The following NBPF26 variants were observed in gnomAD, a reference collection of about 807,000 sequenced individuals.
The protein encoded by NBPF26 is NBPF family member NBPF26.
NBPF26 carries 79 observed loss-of-function variants against 119.6 expected under a neutral mutation model. That is an observed-to-expected ratio of 0.66 (90% CI 0.55 to 0.80). NBPF26 has a LOEUF of 0.80. Ranked by LOEUF, NBPF26 falls within the 30% of genes least tolerant of loss-of-function variation. The probability of loss-of-function intolerance (pLI) is 0.00; values close to 1 mark genes in which losing one functional copy is unlikely to be tolerated. For missense variants in NBPF26, 800 were observed against 1,198.2 expected, an observed-to-expected ratio of 0.67 and a Z score of 4.91; for synonymous variants, 299 against 457.7, an observed-to-expected ratio of 0.65 and a Z score of 4.43.
Position 120,751,576 on chromosome 1 carries a change from A to G in NBPF26, c.74-12052A>G, listed in dbSNP as rs1651021530. On this transcript the variant is annotated intron_variant, in intron 1 of 29. Transcript: ENST00000620612. Reference sequence around the variant, plus strand: ...CAACAAAGCAGATGAAATGGAAGGTAGGCCAGGGCATCTGCTCGTTCGCTC... The same window carrying G: ...CAACAAAGCAGATGAAATGGAAGGTGGGCCAGGGCATCTGCTCGTTCGCTC... Among the ~76,000 whole-genome samples the G allele has an allele frequency of 7.9e-5, 4 of 50,522 alleles. 2 individuals carry two copies. Among genetic ancestry groups the G allele is most frequent in the African/African-American group, 2.5e-4 (4 of 15,748 alleles). 33.1% of individuals were successfully genotyped at this position (50,522 alleles called of 152,430 possible).
In NBPF26 at chr1:120,754,750, G is replaced by T. The variant is rs1426465069; in HGVS notation, c.74-8878G>T. On this transcript the variant is annotated intron_variant, in intron 1 of 29. Coordinates refer to ENST00000620612, the Ensembl canonical transcript of NBPF26. ...TTATAGGAGGCTAAGAGTGGAGAGT[G>T]TATCTTCCTTCAAACAAATGGTAAG... 3.5e-5 allele frequency among the ~76,000 whole-genome samples: 4 copies of T among 115,820 alleles called. 1 individual carries two copies. The highest frequency in any genetic ancestry group is 8.2e-5 in the Admixed American group (1 of 12,138). The allele number at this position is 115,820 out of a possible 152,430, so 76.0% of individuals were successfully genotyped here. A position where few individuals can be genotyped will look rare whatever the true frequency, so the allele number is the denominator to read the frequency against.
In NBPF26 at chr1:120,762,475, A is replaced by G. The variant is rs1651145064; in HGVS notation, c.74-1153A>G. Reference sequence around the variant, plus strand: ...GATGGCCAGGCCTAGCGTCTCTCTGATCTTGCACAATTTATGCATAGAGTG... The same window carrying G: ...GATGGCCAGGCCTAGCGTCTCTCTGGTCTTGCACAATTTATGCATAGAGTG... On this transcript the variant is annotated intron_variant, in intron 1 of 29. Coordinates refer to ENST00000620612, the Ensembl canonical transcript of NBPF26. 1.8e-5 allele frequency among the ~76,000 whole-genome samples: 2 copies of G among 109,248 alleles called. 1 individual carries two copies. The highest frequency in any genetic ancestry group is 3.5e-5 in the Non-Finnish European group (2 of 56,538). 71.7% of individuals were successfully genotyped at this position (109,248 alleles called of 152,430 possible). A position where few individuals can be genotyped will look rare whatever the true frequency, so the allele number is the denominator to read the frequency against.
intron 4 of NBPF26, among the ~76,000 whole-genome samples, chr1:120,803,910 GT>G (rs1171021924): frequency 1.9e-5 from 1 of 53,852 alleles, no homozygotes; most frequent in African/African-American, 1.5e-4. Flanking sequence ...ATGACACTTT[GT>G]GAACCTGCAG....
intron 4 of NBPF26, 100 bp downstream of exon 4, chr1:120,793,596 A>T: frequency 2.2e-6 from 2 of 907,356 alleles, no homozygotes; most frequent in Non-Finnish European, 3.3e-6. Flanking sequence ...GCAAGGAAAA[A>T]GGGAAGTGAG....
intron 3 of NBPF26, among the ~76,000 whole-genome samples, chr1:120,788,087 C>A (rs1202911591): frequency 3.2e-5 from 2 of 62,754 alleles, no homozygotes; most frequent in Non-Finnish European, 5.4e-5. Flanking sequence ...ATTTGTAGTC[C>A]CGCCTGGATT....
chr1:120,767,887 A>C (rs1299333118), intron 2 of NBPF26, among the ~76,000 whole-genome samples: 3 of 115,324 alleles, frequency 2.6e-5, no homozygotes, highest in Admixed American at 1.7e-4. Context: ...TATTGTAGTT[A>C]TTTAAAATCT....
At chr1:120,838,614 T>G (rs2101555312) in intron 27 of NBPF26, 131 bp from the exon 34 acceptor site, 1 of 88,804 alleles carries the variant, frequency 1.1e-5, no homozygotes, top group South Asian at 1.4e-4. Flanking sequence ...AGGCAATAAT[T>G]TGTTACCTCA....
At position 120,763,659 on chromosome 1, in the gene NBPF26, T is replaced by A. The variant is rs1479654135; in HGVS notation, c.105T>A (p.Cys35Ter). 149 of 1,414,012 alleles carry A rather than the reference T, an allele frequency of 1.1e-4. 28 individuals carry two copies. The highest frequency in any genetic ancestry group is 1.4e-4 in the Non-Finnish European group (144 of 1,055,704). 87.6% of individuals were successfully genotyped at this position (1,414,012 alleles called of 1,614,324 possible). Residue 35 changes from cysteine (C) to a stop codon, truncating the protein, a stop_gained, in exon 2 of 30, where the codon TGT becomes TGA. Transcript: ENST00000620612. LOFTEE classifies it high-confidence loss of function. ...AGTGTCGAGATGGCTATGAACCCTGTGTAAATAAAGGAATGTGTGTTACCT... is the reference window on the plus strand; with the variant it reads ...AGTGTCGAGATGGCTATGAACCCTGAGTAAATAAAGGAATGTGTGTTACCT...
chr1:120,730,665 C>G (rs1357149056), intron 1 of NBPF26, among the ~76,000 whole-genome samples: 1 of 105,556 alleles, frequency 9.5e-6, no homozygotes, highest in Non-Finnish European at 1.7e-5. Flanking sequence ...AGAGTAAAGC[C>G]AAGAAAGGGG....
chr1:120,838,530 G>C (rs1652449665), intron 27 of NBPF26, among the ~76,000 whole-genome samples: 1 of 83,778 alleles, frequency 1.2e-5, no homozygotes, highest in African/African-American at 5.4e-5. Context: ...GTGTGTGTGT[G>C]TGTGTGTGTG....
chr1:120,791,397 C>T lies in NBPF26; in HGVS notation c.416-1764C>T, dbSNP rs1236831649. ...CAATAGCAAAGAGTTGGAACCAGCC[C>T]AAATGTCCATCAATGATAGACTGGA... is the stretch of plus-strand genomic sequence containing the variant. On this transcript the variant is annotated intron_variant, in intron 3 of 29. Transcript: ENST00000620612. 1.8e-5 allele frequency among the ~76,000 whole-genome samples: 2 copies of T among 108,272 alleles called. 1 individual carries two copies. Among genetic ancestry groups the T allele is most frequent in the Non-Finnish European group, 3.4e-5 (2 of 58,316 alleles). 71.0% of individuals were successfully genotyped at this position (108,272 alleles called of 152,430 possible).
chr1:120,813,592 C>T (rs1242681227), intron 10 of NBPF26, among the ~76,000 whole-genome samples: 2 of 127,726 alleles, frequency 1.6e-5, no homozygotes, highest in African/African-American at 3.6e-5. Context: ...GGAAAGTGGC[C>T]CCGCATTCAG....
chr1:120,823,812 G>A lies in NBPF26; in HGVS notation c.2640-162G>A, dbSNP rs1329202486. Among the ~76,000 whole-genome samples, 2 of 104,756 alleles carry A rather than the reference G, an allele frequency of 1.9e-5. 1 individual carries two copies. The highest frequency in any genetic ancestry group is 3.6e-5 in the Non-Finnish European group (2 of 55,104). The allele number at this position is 104,756 out of a possible 152,430, so 68.7% of individuals were successfully genotyped here. The stretch of plus-strand genomic sequence containing the variant: ...TGTGTCTTTCATCTTTTTCTACCTG[G>A]CCCTGTTCTATCCCAACATAAAGGC... On this transcript the variant is annotated intron_variant, in intron 17 of 29. Transcript: ENST00000620612.
intron 2 of NBPF26, among the ~76,000 whole-genome samples, chr1:120,769,258 G>A (rs1651232878): frequency 1.3e-5 from 2 of 151,720 alleles, no homozygotes; most frequent in African/African-American, 2.4e-5. Flanking sequence ...TGGTTCTGTT[G>A]TGGTGCTTCT....
chr1:120,805,626 G>A (rs1651663173), exon 5 of NBPF26: 2 of 1,462,956 alleles, frequency 1.4e-6, no homozygotes, highest in Admixed American at 3.6e-5. Context: ...CCAGTGAGAA[G>A]GCAGAGATGA....
At chr1:120,785,124 G>T in exon 3 of NBPF26, 1 of 1,446,510 alleles carries the variant, frequency 6.9e-7, no homozygotes, top group East Asian at 2.3e-5. Flanking sequence ...AGGACTGCCA[G>T]TACTCGACAC....
At chr1:120,807,465 T>C in intron 5 of NBPF26, 142 bp from the exon 6 acceptor site, 2 of 474,498 alleles carry the variant, frequency 4.2e-6, no homozygotes, top group Non-Finnish European at 7.3e-6. Context: ...GACTGAAGAG[T>C]AAAGATGTGG....
chr1:120,833,267 T>A (rs1652398387), intron 23 of NBPF26, among the ~76,000 whole-genome samples: 1 of 102,358 alleles, frequency 9.8e-6, no homozygotes, highest in Non-Finnish European at 1.8e-5. Flanking sequence ...GCTCACTCTT[T>A]TCATGATCAC....
At chr1:120,752,564 T>A (rs1571022065) in intron 1 of NBPF26, among the ~76,000 whole-genome samples, 12 of 25,302 alleles carry the variant, frequency 4.7e-4, no homozygotes, top group East Asian at 4.0e-3. Flanking sequence ...ATTTTTTTTT[T>A]TTTTTTTTTT....
Sources: gnomAD v4.1 joint callset for allele counts (sites outside exome capture counted in the v4.1 genomes callset) on GRCh38, gnomAD v4.1.1 for gene constraint, MANE v1.5 for transcripts, NCBI Gene and HGNC (gene_info 2026-07-23, HGNC 2026-07-21) for gene names.